The following AMPH variants were observed in gnomAD, a reference collection of about 807,000 sequenced individuals.
AMPH encodes amphiphysin, also known as amphiphysin (Stiff-Mann syndrome with breast cancer 128kD autoantigen).
A neutral mutation model predicts 99.1 loss-of-function variants in AMPH; 49 were observed. The observed-to-expected ratio is 0.49, with a 90% CI of 0.39 to 0.63. AMPH has a LOEUF of 0.63. Ranked by LOEUF, AMPH falls within the 20% of genes least tolerant of loss-of-function variation. The pLI is 0.00. For synonymous variants in AMPH, 314 were observed against 317.3 expected (o/e 0.99, Z 0.11); for missense variants, 759 against 863.4 (o/e 0.88, Z 1.52).
chr7:38,598,724 G>C (rs1189494633), intron 1 of AMPH, among the ~76,000 whole-genome samples: 1 of 151,080 alleles, frequency 6.6e-6, no homozygotes, highest in Non-Finnish European at 1.5e-5. Context: ...TTCTGTTCTT[G>C]ATTTGTCATC....
At chr7:38,432,276 G>A in intron 12 of AMPH, 64 bp from the exon 13 acceptor site, 1 of 1,433,320 alleles carries the variant, frequency 7.0e-7, no homozygotes, top group Non-Finnish European at 9.8e-7. Flanking sequence ...AAATGCTGAG[G>A]TGACAAAAGT....
intron 1 of AMPH, among the ~76,000 whole-genome samples, chr7:38,614,660 T>C (rs1004359296): frequency 4.6e-5 from 7 of 152,178 alleles, no homozygotes; most frequent in Non-Finnish European, 1.0e-4. Flanking sequence ...TTGTAAGATG[T>C]TCATCTTGTA....
chr7:38,612,829 C>A (rs1388310908), intron 1 of AMPH, among the ~76,000 whole-genome samples: 2 of 152,152 alleles, frequency 1.3e-5, no homozygotes, highest in Non-Finnish European at 2.9e-5. Flanking sequence ...GGTGCTTCCC[C>A]ATTTGGTTCA....
Position 38,613,329 on chromosome 7 carries a change from C to T in AMPH, c.69+17954G>A, listed in dbSNP as rs138834449. On this transcript the variant is annotated intron_variant, in intron 1 of 20. Transcript: ENST00000356264. ...CCTTATAGCATCATCATACCTACCA[C>T]GGCATAGGACCCAATACAGGTAGAA... Among the ~76,000 whole-genome samples the T allele has an allele frequency of 9.9e-3, 1,435 of 144,752 alleles. 11 individuals are homozygous for T. The highest frequency in any genetic ancestry group is 0.016 in the Non-Finnish European group (1,050 of 65,632). The allele number at this position is 144,752 out of a possible 152,430, so 95.0% of individuals were successfully genotyped here. A position where few individuals can be genotyped will look rare whatever the true frequency, so the allele number is the denominator to read the frequency against.
rs11970949 is a variant in AMPH at position 38,613,193 on chromosome 7, G to T, written c.69+18090C>A. Among the ~76,000 whole-genome samples the T allele has an allele frequency of 4.6e-3, 704 of 152,288 alleles. 6 individuals are homozygous for T. The highest frequency in any genetic ancestry group is 0.016 in the African/African-American group (674 of 41,540). On this transcript the variant is annotated intron_variant, in intron 1 of 20. Coordinates refer to ENST00000356264, the MANE Select transcript of AMPH (RefSeq NM_001635.4). Reference sequence around the variant, plus strand: ...ATTCCAAAGGTCTTCCCATCATTCTGAACTGCTTCCAAATAAATTGTACCA... The same window carrying T: ...ATTCCAAAGGTCTTCCCATCATTCTTAACTGCTTCCAAATAAATTGTACCA...
chr7:38,415,276 A>G (rs977268871), intron 17 of AMPH, among the ~76,000 whole-genome samples: 3 of 152,236 alleles, frequency 2.0e-5, no homozygotes, highest in Non-Finnish European at 4.4e-5. Context: ...AAAAAACCAG[A>G]ACAATCACAA....
At chr7:38,574,265 C>A (rs1483318941) in intron 1 of AMPH, among the ~76,000 whole-genome samples, 1 of 152,212 alleles carries the variant, frequency 6.6e-6, no homozygotes, top group South Asian at 2.1e-4. Context: ...TCCCATTGCA[C>A]ACTTACAGAT....
At chr7:38,489,835 T>A (rs1350207227) in intron 5 of AMPH, among the ~76,000 whole-genome samples, 1 of 152,126 alleles carries the variant, frequency 6.6e-6, no homozygotes, top group Non-Finnish European at 1.5e-5. Flanking sequence ...TTAATGGGTA[T>A]AAAATTTCAG....
At chr7:38,432,069 G>C in intron 13 of AMPH, 120 bp downstream of exon 13, 1 of 883,526 alleles carries the variant, frequency 1.1e-6, no homozygotes, top group Non-Finnish European at 1.9e-6. Flanking sequence ...CATTCTAGGG[G>C]ACTATATCAT....
chr7:38,465,499 G>T lies in AMPH; in HGVS notation c.717C>A (p.Ala239=). 6.3e-7 allele frequency: 1 copy of T among 1,584,958 alleles called. No homozygotes were observed. The highest frequency in any genetic ancestry group is 8.6e-7 in the Non-Finnish European group (1 of 1,163,856). Residue 239 remains alanine, a synonymous_variant, in exon 9 of 21, where the codon GCC becomes GCA. Transcript: ENST00000356264. Reference sequence around the variant, plus strand: ...CTCCTTGGATGGTGAAGGCCTTGTCGGCGTGCTGGTCACCCAGTTTTGTCA... The same window carrying T: ...CTCCTTGGATGGTGAAGGCCTTGTCTGCGTGCTGGTCACCCAGTTTTGTCA... The part of the protein sequence containing the change: ...EVMTKLGDQH[A]DKAFTIQGAP...
chr7:38,415,160 CT>C (rs1434664641), intron 17 of AMPH, among the ~76,000 whole-genome samples: 1 of 152,082 alleles, frequency 6.6e-6, no homozygotes, highest in Non-Finnish European at 1.5e-5. Flanking sequence ...AATAATTAAA[CT>C]TTTCTTAAAA....
chr7:38,430,111 G>A (rs1785950659), intron 13 of AMPH: 1 of 509,920 alleles, frequency 2.0e-6, no homozygotes, highest in Non-Finnish European at 3.4e-6. Flanking sequence ...CAGCAAGGAT[G>A]TTTTATGGCT....
At chr7:38,617,479 C>T (rs1234504983) in intron 1 of AMPH, among the ~76,000 whole-genome samples, 4 of 152,192 alleles carry the variant, frequency 2.6e-5, no homozygotes, top group Non-Finnish European at 4.4e-5. Flanking sequence ...TGGCAGAAGG[C>T]GTGCACCACG....
At position 38,503,499 on chromosome 7, in the gene AMPH, GGGGT is replaced by G. The variant is rs1584177661; in HGVS notation, c.205+147_205+150del. 1.9e-4 allele frequency: 105 copies of G among 546,604 alleles called. 18 individuals are homozygous for G. Among genetic ancestry groups the G allele is most frequent in the East Asian group, 9.5e-5 (3 of 31,578 alleles). The allele number at this position is 546,604 out of a possible 1,614,324, so 33.9% of individuals were successfully genotyped here. ...CATTTCAATGGGAATTTGGGGCGGG[GGGGT>G]GGGTGGTGGAATGGAACACCTGTGT... On this transcript the variant is annotated intron_variant, in intron 3 of 20. Coordinates refer to ENST00000356264, the MANE Select transcript of AMPH (RefSeq NM_001635.4).
Position 38,389,847 on chromosome 7 carries a change from C to T in AMPH, c.1937G>A (p.Gly646Asp). 1 of 1,614,026 alleles carries T rather than the reference C, an allele frequency of 6.2e-7. No homozygotes were observed. The highest frequency in any genetic ancestry group is 8.5e-7 in the Non-Finnish European group (1 of 1,180,026). The change falls in exon 20 of 21, where the codon GGT becomes GAT. Residue 646 changes from glycine to aspartate, a missense_variant. Physicochemically the swap from Gly to Asp is moderately conservative, Grantham distance 94. Coordinates refer to ENST00000356264, the MANE Select transcript of AMPH (RefSeq NM_001635.4). ...ANSDELTLQR[G>D]DVVLVVPSDS... is the part of the protein sequence containing the mutation. ...TGAGGGGACCACCAGCACCACATCACCCCTTTGTAAGGTAAGTTCATCAGA... is the reference window on the plus strand; with the variant it reads ...TGAGGGGACCACCAGCACCACATCATCCCTTTGTAAGGTAAGTTCATCAGA...
chr7:38,577,135 G>T (rs779009984), intron 1 of AMPH, among the ~76,000 whole-genome samples: 4 of 152,166 alleles, frequency 2.6e-5, no homozygotes, highest in African/African-American at 7.2e-5. Context: ...ATAGGCAGAG[G>T]ATATGCTACT....
intron 1 of AMPH, among the ~76,000 whole-genome samples, chr7:38,556,815 C>CGGCAACAACAGACACTGG (rs1291809251): frequency 6.6e-6 from 1 of 152,012 alleles, no homozygotes; most frequent in Non-Finnish European, 1.5e-5. Context: ...GACATAAAGA[C>CGGCAACAACAGACACTGG]GGCAACAACA....
At chr7:38,446,124 T>C (rs1786767783) in intron 11 of AMPH, among the ~76,000 whole-genome samples, 1 of 152,200 alleles carries the variant, frequency 6.6e-6, no homozygotes, top group African/African-American at 2.4e-5. Context: ...CAGGTATTTC[T>C]TTATAGCCAT....
chr7:38,422,923 A>G (rs890209462), intron 15 of AMPH, among the ~76,000 whole-genome samples: 4 of 152,228 alleles, frequency 2.6e-5, no homozygotes, highest in East Asian at 3.8e-4. Context: ...CCTGGCCTCA[A>G]TAAATATTAT....
Sources: allele counts gnomAD v4.1 joint callset (sites outside exome capture counted in the v4.1 genomes callset), GRCh38; gene constraint gnomAD v4.1.1; transcripts MANE v1.5; gene names NCBI Gene and HGNC (gene_info 2026-07-23, HGNC 2026-07-21).